The following NTRK2 variants were observed in gnomAD, a reference collection of about 807,000 sequenced individuals.
NTRK2 encodes the protein BDNF/NT-3 growth factors receptor.
Under a neutral mutation model 94.5 loss-of-function variants are expected in NTRK2, and 13 were observed. The ratio of observed to expected loss-of-function variants is 0.14; its 90% CI spans 0.09 to 0.22. The LOEUF is 0.22. Ranked by LOEUF, NTRK2 falls within the 10% of genes least tolerant of loss-of-function variation. The probability of loss-of-function intolerance (pLI) is 1.00; values close to 1 mark genes in which losing one functional copy is unlikely to be tolerated. For synonymous variants in NTRK2, 372 were observed against 407.4 expected, an observed-to-expected ratio of 0.91 and a Z score of 1.05; for missense variants, 639 against 1,071.2, an observed-to-expected ratio of 0.60 and a Z score of 5.63.
chr9:84,870,126 TACACACACAC>T (rs1554757395), intron 14 of NTRK2, among the ~76,000 whole-genome samples: 1 of 95,650 alleles, frequency 1.0e-5, no homozygotes, highest in African/African-American at 4.3e-5. Flanking sequence ...TATATATATA[TACACACACAC>T]ACACATATAT....
At chr9:84,800,184 A>G (rs554666792) in intron 12 of NTRK2, among the ~76,000 whole-genome samples, 1 of 145,392 alleles carries the variant, frequency 6.9e-6, no homozygotes, top group South Asian at 2.3e-4. Context: ...TGGAAGCCGA[A>G]GCTCTATCAA....
At position 84,670,664 on chromosome 9, in the gene NTRK2, G is replaced by T; in HGVS notation, c.-85G>T. ...CCGAGGAGTTAAGAGAGCCGCAAGC[G>T]CAGGGAAGGCCTCCCCGCACGGGTG... is the stretch of plus-strand genomic sequence containing the variant. On this transcript the variant is annotated 5_prime_UTR_variant, in exon 2 of 19. Transcript: ENST00000277120. 1.5e-6 allele frequency: 2 copies of T among 1,361,782 alleles called. No homozygotes were observed. Among genetic ancestry groups the T allele is most frequent in the South Asian group, 1.2e-5 (1 of 85,614 alleles). 84.4% of individuals were successfully genotyped at this position (1,361,782 alleles called of 1,614,324 possible). A position where few individuals can be genotyped will look rare whatever the true frequency, so the allele number is the denominator to read the frequency against.
At chr9:84,671,542 T>C (rs1022810639) in intron 2 of NTRK2, among the ~76,000 whole-genome samples, 1 of 152,080 alleles carries the variant, frequency 6.6e-6, no homozygotes, top group African/African-American at 2.4e-5. Context: ...AAGTTCTGAG[T>C]GTTGAAATGC....
chr9:84,753,503 G>A (rs570481085), intron 12 of NTRK2, among the ~76,000 whole-genome samples: 1 of 152,262 alleles, frequency 6.6e-6, no homozygotes, highest in South Asian at 2.1e-4. Context: ...ACAGTGTAGG[G>A]AATCACTGTT....
intron 12 of NTRK2, among the ~76,000 whole-genome samples, chr9:84,790,669 G>C (rs1336620178): frequency 6.6e-6 from 1 of 152,116 alleles, no homozygotes; most frequent in Non-Finnish European, 1.5e-5. Context: ...CTCAGTTTTG[G>C]TACAGGGAGA....
intron 9 of NTRK2, among the ~76,000 whole-genome samples, chr9:84,731,255 C>A (rs764947461): frequency 2.0e-4 from 31 of 152,082 alleles, no homozygotes; most frequent in South Asian, 6.2e-4. Context: ...AGCAACATGG[C>A]AAAACCCCTT....
chr9:84,852,611 TC>T (rs1411681751), intron 12 of NTRK2, among the ~76,000 whole-genome samples: 8 of 152,274 alleles, frequency 5.3e-5, no homozygotes, highest in Non-Finnish European at 7.4e-5. Flanking sequence ...TGTGACCACC[TC>T]TGTTAAAGAA....
At chr9:84,958,951 G>A (rs1414379706) in intron 17 of NTRK2, among the ~76,000 whole-genome samples, 4 of 152,046 alleles carry the variant, frequency 2.6e-5, no homozygotes, top group Admixed American at 1.3e-4. Flanking sequence ...TGCCTCCTGC[G>A]GTGGCTAAGT....
chr9:84,744,771 A>G (rs993308236), intron 10 of NTRK2, among the ~76,000 whole-genome samples: 1 of 152,126 alleles, frequency 6.6e-6, no homozygotes, highest in African/African-American at 2.4e-5. Context: ...TGGGTTGAAT[A>G]AAATGTGGGC....
At chr9:84,976,686 A>C (rs545931976) in intron 17 of NTRK2, among the ~76,000 whole-genome samples, 1 of 152,276 alleles carries the variant, frequency 6.6e-6, no homozygotes, top group South Asian at 2.1e-4. Context: ...GGTGCTGGCC[A>C]GCTTGCTCTG....
chr9:84,711,696 G>C (rs1442859336), intron 6 of NTRK2, among the ~76,000 whole-genome samples: 1 of 152,172 alleles, frequency 6.6e-6, no homozygotes, highest in African/African-American at 2.4e-5. Context: ...TTTGTTTTCG[G>C]AAGACGCTAT....
intron 12 of NTRK2, among the ~76,000 whole-genome samples, chr9:84,791,112 G>T (rs1323479616): frequency 6.6e-6 from 1 of 152,140 alleles, no homozygotes; most frequent in African/African-American, 2.4e-5. Context: ...CAAAATAAGT[G>T]AAATGTTCTT....
At chr9:84,698,611 C>T in intron 2 of NTRK2, among the ~76,000 whole-genome samples, 1 of 152,138 alleles carries the variant, frequency 6.6e-6, no homozygotes, top group South Asian at 2.1e-4. Context: ...TTCCAAGATA[C>T]AGGCCAAGTG....
At chr9:84,862,088 G>A (rs576220050) in intron 13 of NTRK2, among the ~76,000 whole-genome samples, 2 of 152,286 alleles carry the variant, frequency 1.3e-5, no homozygotes, top group African/African-American at 4.8e-5. Flanking sequence ...GGCCTGGAGG[G>A]GGAAAAGTCA....
At chr9:84,747,163 A>T (rs1588330024) in intron 11 of NTRK2, among the ~76,000 whole-genome samples, 1 of 152,138 alleles carries the variant, frequency 6.6e-6, no homozygotes, top group Non-Finnish European at 1.5e-5. Flanking sequence ...ATGCAGTGCA[A>T]CTGCAACTTT....
chr9:84,699,881 C>T (rs1051202234), intron 2 of NTRK2, among the ~76,000 whole-genome samples: 8 of 151,696 alleles, frequency 5.3e-5, no homozygotes, highest in South Asian at 2.1e-4. Flanking sequence ...TGAATAAAAC[C>T]GGGGAGTTTA....
At chr9:84,890,419 T>C (rs1026034169) in intron 14 of NTRK2, among the ~76,000 whole-genome samples, 1 of 152,228 alleles carries the variant, frequency 6.6e-6, no homozygotes, top group Non-Finnish European at 1.5e-5. Context: ...ATCTTTTTTA[T>C]GAAGGGGCCA....
At chr9:84,680,086 A>G (rs2059301440) in intron 2 of NTRK2, among the ~76,000 whole-genome samples, 1 of 151,678 alleles carries the variant, frequency 6.6e-6, no homozygotes, top group African/African-American at 2.4e-5. Flanking sequence ...TCTGCTCATC[A>G]AGTTGTCTTT....
intron 14 of NTRK2, among the ~76,000 whole-genome samples, chr9:84,896,401 A>T (rs776569737): frequency 6.6e-6 from 1 of 152,194 alleles, no homozygotes; most frequent in South Asian, 2.1e-4. Flanking sequence ...GCCTGCACAT[A>T]CAATGAGGGA....
Sources: allele counts gnomAD v4.1 joint callset (sites outside exome capture counted in the v4.1 genomes callset), GRCh38; gene constraint gnomAD v4.1.1; transcripts MANE v1.5; gene names NCBI Gene and HGNC (gene_info 2026-07-23, HGNC 2026-07-21).